The following RPRD2 variants were observed in gnomAD, a reference collection of about 807,000 sequenced individuals.
RPRD2 encodes regulation of nuclear pre-mRNA domain containing 2, also known as regulation of nuclear pre-mRNA domain-containing protein 2.
Under a neutral mutation model 104.4 loss-of-function variants are expected in RPRD2, and 12 were observed. The observed-to-expected ratio is 0.11, with a 90% confidence interval of 0.07 to 0.19. The LOEUF (loss-of-function observed/expected upper bound fraction) is 0.19, where lower values mean the gene tolerates loss of function less well. Ranked by LOEUF, RPRD2 falls within the 10% of genes least tolerant of loss-of-function variation. The pLI is 1.00. For missense variants in RPRD2, 1,543 were observed against 1,790.1 expected, an observed-to-expected ratio of 0.86 and a Z score of 2.49; for synonymous variants, 714 against 684.9, an observed-to-expected ratio of 1.04 and a Z score of -0.66.
At chr1:150,437,636 G>T (rs1045564623) in intron 2 of RPRD2, among the ~76,000 whole-genome samples, 1 of 152,050 alleles carries the variant, frequency 6.6e-6, no homozygotes, top group Admixed American at 6.6e-5. Context: ...CTGGAGTGCA[G>T]TGGTGTTGTC....
chr1:150,372,279 C>G (rs1660371634), intron 1 of RPRD2, among the ~76,000 whole-genome samples: 1 of 152,080 alleles, frequency 6.6e-6, no homozygotes. Flanking sequence ...ATTGTTTAGG[C>G]ACAGGGGATA....
Position 150,472,634 on chromosome 1 carries a change from G to T in RPRD2, c.3686G>T (p.Arg1229Leu). 1 of 1,613,766 alleles carries T rather than the reference G, an allele frequency of 6.2e-7. No individual in the cohort carries two copies. Among genetic ancestry groups the T allele is most frequent in the Non-Finnish European group, 8.5e-7 (1 of 1,179,790 alleles). The change falls in exon 11 of 11, where the codon CGA becomes CTA. Residue 1229 changes from arginine to leucine, a missense_variant. Arg to Leu is a moderately radical substitution (Grantham distance 102). Transcript: ENST00000369068. ...AAGGATCATGGTGGTATCTTCTCTCGAGATGCACCCACTCATCTACCCTCT... is the reference window on the plus strand; with the variant it reads ...AAGGATCATGGTGGTATCTTCTCTCTAGATGCACCCACTCATCTACCCTCT... ...PPKDHGGIFS[R>L]DAPTHLPSVD...
chr1:150,365,009 A>C (rs1659726538), intron 1 of RPRD2, 90 bp downstream of exon 1: 7 of 1,355,400 alleles, frequency 5.2e-6, no homozygotes, highest in Non-Finnish European at 7.1e-6. Context: ...ACGGAGCCGC[A>C]GCATTTGGTT....
At chr1:150,449,332 T>A (rs994740420) in intron 7 of RPRD2, among the ~76,000 whole-genome samples, 2 of 152,188 alleles carry the variant, frequency 1.3e-5, no homozygotes, top group African/African-American at 4.8e-5. Context: ...GTTTTATTGT[T>A]ATGTTTTGAT....
At chr1:150,384,639 T>TTTTGTGTGTGTGTGTGTG (rs1475338523) in intron 1 of RPRD2, among the ~76,000 whole-genome samples, 2 of 133,352 alleles carry the variant, frequency 1.5e-5, no homozygotes, top group African/African-American at 5.6e-5. Flanking sequence ...CCTGGCTAAT[T>TTTTGTGTGTGTGTGTGTG]TGTGTGTGTG....
At chr1:150,434,552 A>C (rs1001056003) in intron 2 of RPRD2, among the ~76,000 whole-genome samples, 1 of 152,038 alleles carries the variant, frequency 6.6e-6, no homozygotes, top group Non-Finnish European at 1.5e-5. Flanking sequence ...CCTGTGGCTT[A>C]CACCTGTAAT....
intron 5 of RPRD2, 127 bp from the exon 6 acceptor site, chr1:150,444,124 C>T: frequency 1.1e-6 from 1 of 890,214 alleles, no homozygotes; most frequent in East Asian, 2.8e-5. Context: ...TTTTTCCTCC[C>T]AGGGTTTTGT....
chr1:150,431,967 G>A (rs1572461802), intron 2 of RPRD2, among the ~76,000 whole-genome samples: 1 of 152,068 alleles, frequency 6.6e-6, no homozygotes, highest in African/African-American at 2.4e-5. Context: ...AGAATTGGGA[G>A]TTATTGTTTA....
At position 150,441,001 on chromosome 1, in the gene RPRD2, T is replaced by C; in HGVS notation, c.414T>C (p.Ile138=). The change falls in exon 3 of 11, where the codon ATT becomes ATC. Residue 138 remains isoleucine (I), a synonymous_variant. Transcript: ENST00000369068. ...EDRNVYPEEM[I]VALREALSTT... Reference sequence around the variant, plus strand: ...GAAATGTATACCCAGAAGAAATGATTGTGGCATTGAGAGAAGCTTTGAGTA... The same window carrying C: ...GAAATGTATACCCAGAAGAAATGATCGTGGCATTGAGAGAAGCTTTGAGTA... 1 of 1,570,862 alleles carries C rather than the reference T, an allele frequency of 6.4e-7. No individual in the cohort carries two copies. The highest frequency in any genetic ancestry group is 8.7e-7 in the Non-Finnish European group (1 of 1,155,414).
intron 2 of RPRD2, among the ~76,000 whole-genome samples, chr1:150,431,474 T>G (rs111444646): frequency 1.6e-3 from 40 of 25,312 alleles, no homozygotes; most frequent in African/African-American, 4.6e-3. Context: ...AAAGGAAGGA[T>G]TTTTTTTTTT....
At chr1:150,467,563 G>C (rs1187913170) in intron 10 of RPRD2, among the ~76,000 whole-genome samples, 1 of 151,766 alleles carries the variant, frequency 6.6e-6, no homozygotes, top group Non-Finnish European at 1.5e-5. Flanking sequence ...TAGTAGACAC[G>C]GGGTTTCGCC....
chr1:150,430,045 G>C (rs782021339), intron 2 of RPRD2, among the ~76,000 whole-genome samples: 2 of 152,154 alleles, frequency 1.3e-5, no homozygotes, highest in Non-Finnish European at 2.9e-5. Flanking sequence ...CACATTTTCT[G>C]TTTAGGCCAC....
intron 2 of RPRD2, among the ~76,000 whole-genome samples, chr1:150,431,497 T>TTTTTTTTTA (rs1665583347): frequency 2.1e-4 from 20 of 94,588 alleles, no homozygotes; most frequent in Non-Finnish European, 3.3e-4. Flanking sequence ...TTTTTTTTTT[T>TTTTTTTTTA]GAGACGGGGT....
intron 1 of RPRD2, among the ~76,000 whole-genome samples, chr1:150,409,246 A>ATAT (rs782346997): frequency 7.9e-5 from 12 of 152,252 alleles, no homozygotes; most frequent in African/African-American, 1.4e-4. Context: ...AACACTGACT[A>ATAT]TATCTAGATT....
chr1:150,450,262 G>A (rs1425460716), intron 7 of RPRD2, among the ~76,000 whole-genome samples: 1 of 152,022 alleles, frequency 6.6e-6, no homozygotes, highest in African/African-American at 2.4e-5. Flanking sequence ...GTTTTAGTGT[G>A]TATTTCCTAC....
chr1:150,388,518 CACACAT>C (rs1661814370), intron 1 of RPRD2, among the ~76,000 whole-genome samples: 1 of 148,350 alleles, frequency 6.7e-6, no homozygotes, highest in Non-Finnish European at 1.5e-5. Context: ...CACACACACA[CACACAT>C]ATATACACCC....
rs782275586 is a variant in RPRD2 at position 150,444,386 on chromosome 1, T to TA, written c.694+10dup. On this transcript the variant is annotated intron_variant, in intron 6 of 10. Transcript: ENST00000369068. ...TCTCAAATGCTTAAAAGGTAATGCT[T>TA]ACATCCTTTTAGAGTAAGTCAGATT... The TA allele has an allele frequency of 8.7e-6, 14 of 1,609,864 alleles. No homozygotes were observed. The African/African-American group carries it at 1.7e-4, about 20-fold the overall frequency.
At chr1:150,413,277 G>T (rs893427063) in intron 1 of RPRD2, among the ~76,000 whole-genome samples, 1 of 152,150 alleles carries the variant, frequency 6.6e-6, no homozygotes, top group African/African-American at 2.4e-5. Flanking sequence ...CTAAAGAGTA[G>T]TAACAGATAG....
intron 1 of RPRD2, among the ~76,000 whole-genome samples, chr1:150,390,623 A>G (rs1457314179): frequency 6.6e-6 from 1 of 152,200 alleles, no homozygotes; most frequent in African/African-American, 2.4e-5. Context: ...AACCAAAGAG[A>G]AATGTTAGAA....
Sources: allele counts gnomAD v4.1 joint callset (sites outside exome capture counted in the v4.1 genomes callset), GRCh38; gene constraint gnomAD v4.1.1; transcripts MANE v1.5; gene names NCBI Gene and HGNC (gene_info 2026-07-23, HGNC 2026-07-21).